UPP2: variants seen among roughly 807,000 people sequenced by gnomAD.
The protein encoded by UPP2 is uridine phosphorylase 2.
A neutral mutation model predicts 26.7 loss-of-function variants in UPP2; 23 were observed. The ratio of observed to expected loss-of-function variants is 0.86; its 90% CI spans 0.62 to 1.22. UPP2 has a LOEUF of 1.22. Among genes scored for constraint, UPP2 ranks in the 50% most tolerant of loss-of-function variants. UPP2 has a pLI of 0.00. For synonymous variants in UPP2, 127 were observed against 141.3 expected, an observed-to-expected ratio of 0.90 and a Z score of 0.72; for missense variants, 387 against 396.7, an observed-to-expected ratio of 0.98 and a Z score of 0.21.
intron 3 of UPP2, among the ~76,000 whole-genome samples, chr2:158,026,730 A>C (rs945291748): frequency 2.0e-5 from 3 of 152,200 alleles, no homozygotes; most frequent in Non-Finnish European, 4.4e-5. Flanking sequence ...ACAGGCAAGC[A>C]GTCTGTATTA....
At chr2:158,089,729 G>C (rs781221267) in intron 3 of UPP2, among the ~76,000 whole-genome samples, 1 of 152,164 alleles carries the variant, frequency 6.6e-6, no homozygotes, top group Non-Finnish European at 1.5e-5. Flanking sequence ...ATTCATCTCA[G>C]CTCCAGGTAA....
At position 158,046,388 on chromosome 2, in the gene UPP2, T is replaced by C. The variant is rs563834725; in HGVS notation, c.147+30502T>C. ...TAACCTACAACTTCACTTTTTACTCTTAAGCATCTGGCTTGCTCATTATTT... is the reference window on the plus strand; with the variant it reads ...TAACCTACAACTTCACTTTTTACTCCTAAGCATCTGGCTTGCTCATTATTT... On this transcript the variant is annotated intron_variant, in intron 3 of 9. Transcript: ENST00000605860. Among the ~76,000 whole-genome samples, 4 of 152,360 alleles carry C rather than the reference T, an allele frequency of 2.6e-5. No individual in the cohort carries two copies. In the South Asian group the frequency reaches 8.3e-4, roughly 32 times the overall value.
chr2:158,048,532 A>C (rs1040802331), intron 3 of UPP2, among the ~76,000 whole-genome samples: 9 of 152,216 alleles, frequency 5.9e-5, no homozygotes, highest in African/African-American at 2.2e-4. Context: ...CGAGCCCAAG[A>C]AATGGAGGCT....
At chr2:158,030,741 G>A (rs550188930) in intron 3 of UPP2, among the ~76,000 whole-genome samples, 3 of 152,300 alleles carry the variant, frequency 2.0e-5, no homozygotes, top group Admixed American at 6.5e-5. Flanking sequence ...ATAACTAAAT[G>A]TCCCAGGGGC....
At chr2:158,112,185 C>G (rs777134919) in intron 2 of UPP2, among the ~76,000 whole-genome samples, 2 of 152,058 alleles carry the variant, frequency 1.3e-5, no homozygotes, top group Non-Finnish European at 2.9e-5. Context: ...TTGGAGGACT[C>G]GCACTTCCCA....
At chr2:158,126,973 G>A (rs1404549884) in intron 6 of UPP2, among the ~76,000 whole-genome samples, 3 of 152,096 alleles carry the variant, frequency 2.0e-5, no homozygotes, top group African/African-American at 7.2e-5. Context: ...CTAAGGTGAT[G>A]GCTTATAAAT....
intron 3 of UPP2, among the ~76,000 whole-genome samples, chr2:158,083,284 T>C (rs748989284): frequency 7.2e-5 from 11 of 152,118 alleles, no homozygotes; most frequent in Non-Finnish European, 4.4e-5. Context: ...CTGTTCACAA[T>C]AGCAAAGACT....
intron 1 of UPP2, among the ~76,000 whole-genome samples, chr2:158,104,510 GT>G (rs1465671512): frequency 6.6e-6 from 1 of 151,528 alleles, no homozygotes. Context: ...GTGTTTTTTT[GT>G]TTTTGTTTTT....
chr2:158,058,999 G>A (rs1682307870), intron 3 of UPP2, among the ~76,000 whole-genome samples: 1 of 152,166 alleles, frequency 6.6e-6, no homozygotes, highest in Admixed American at 6.5e-5. Context: ...GGGATATGAA[G>A]AGGACAAGCA....
chr2:158,005,114 C>T (rs1159902131), intron 2 of UPP2, among the ~76,000 whole-genome samples: 2 of 152,196 alleles, frequency 1.3e-5, no homozygotes, highest in Non-Finnish European at 2.9e-5. Flanking sequence ...AATGAGGAGC[C>T]TGTTCTTCTA....
chr2:158,036,319 A>G (rs551880347), intron 3 of UPP2, among the ~76,000 whole-genome samples: 17 of 152,238 alleles, frequency 1.1e-4, no homozygotes, highest in African/African-American at 3.9e-4. Context: ...GAACCTGAAA[A>G]GCAGGGTGGG....
In UPP2 at chr2:158,102,116, C is replaced by T. The variant is rs767598683; in HGVS notation, c.53C>T (p.Thr18Ile). ...AGGTCCATGAGATCTGACAGGAATA[C>T]ATATGTTGGGTGAGTAATTTTGATT... ...SNRSMRSDRN[T>I]YVGKRFVHVK... Residue 18 changes from threonine to isoleucine, a missense_variant, in exon 1 of 7, where the codon ACA (threonine) becomes ATA (isoleucine). Coordinates refer to ENST00000005756, the MANE Select transcript of UPP2 (RefSeq NM_173355.4). 7.4e-6 allele frequency: 12 copies of T among 1,612,572 alleles called. No homozygotes were observed. Among genetic ancestry groups the T allele is most frequent in the Middle Eastern group, 1.7e-4 (1 of 6,048 alleles).
chr2:157,997,430 A>G (rs1385937036), intron 2 of UPP2, among the ~76,000 whole-genome samples: 2 of 152,192 alleles, frequency 1.3e-5, no homozygotes, highest in African/African-American at 4.8e-5. Context: ...CCTGGTAGTA[A>G]TAAGGAGAAA....
At chr2:158,000,688 C>T (rs1353875323) in intron 2 of UPP2, among the ~76,000 whole-genome samples, 1 of 152,220 alleles carries the variant, frequency 6.6e-6, no homozygotes, top group Non-Finnish European at 1.5e-5. Context: ...CTGTTAGAGT[C>T]ACATGTCCAT....
At chr2:158,009,465 A>G (rs1683543225) in intron 2 of UPP2, among the ~76,000 whole-genome samples, 1 of 152,192 alleles carries the variant, frequency 6.6e-6, no homozygotes, top group Admixed American at 6.5e-5. Context: ...TTTACAGTTG[A>G]AGGATAGCCA....
intron 2 of UPP2, among the ~76,000 whole-genome samples, chr2:158,003,311 G>A (rs1224448616): frequency 6.6e-6 from 1 of 152,114 alleles, no homozygotes; most frequent in East Asian, 1.9e-4. Flanking sequence ...TTCCTGCCAG[G>A]GATAGGGACA....
chr2:158,034,113 G>A (rs1378032313), intron 3 of UPP2, among the ~76,000 whole-genome samples: 1 of 151,558 alleles, frequency 6.6e-6, no homozygotes, highest in Non-Finnish European at 1.5e-5. Flanking sequence ...GTCTCTCCAG[G>A]AGGAAAAGCC....
chr2:158,021,552 T>A (rs545899561), intron 3 of UPP2, among the ~76,000 whole-genome samples: 1 of 152,372 alleles, frequency 6.6e-6, no homozygotes, highest in African/African-American at 2.4e-5. Context: ...GGATTCATGT[T>A]CTTAACAAAG....
At chr2:158,068,752 G>C (rs1574273031) in intron 3 of UPP2, among the ~76,000 whole-genome samples, 1 of 104,744 alleles carries the variant, frequency 9.5e-6, no homozygotes, top group African/African-American at 3.7e-5. Flanking sequence ...CTTCCTTAAA[G>C]CATTCAAATT....
Sources: gnomAD v4.1 joint callset for allele counts (sites outside exome capture counted in the v4.1 genomes callset) on GRCh38, gnomAD v4.1.1 for gene constraint, MANE v1.5 for transcripts, NCBI Gene and HGNC (gene_info 2026-07-23, HGNC 2026-07-21) for gene names.